GRHL2: variants seen among roughly 807,000 people sequenced by gnomAD.
GRHL2 encodes grainyhead-like protein 2 homolog.
A neutral mutation model predicts 83.8 loss-of-function variants in GRHL2; 21 were observed. The observed-to-expected ratio is 0.25, with a 90% CI of 0.18 to 0.36. The LOEUF is 0.36. GRHL2 is among the 10% of genes least tolerant of loss of function. GRHL2 has a pLI of 1.00. For missense variants in GRHL2, 623 were observed against 781.8 expected (o/e 0.80, Z 2.42); for synonymous variants, 280 against 278.9 (o/e 1.00, Z -0.04).
At chr8:101,569,882 G>A (rs1037883058) in intron 4 of GRHL2, among the ~76,000 whole-genome samples, 1 of 152,196 alleles carries the variant, frequency 6.6e-6, no homozygotes, top group African/African-American at 2.4e-5. Context: ...ACAGGTAAAA[G>A]AGCTAGAACT....
chr8:101,606,641 C>G (rs1812639516), intron 8 of GRHL2, among the ~76,000 whole-genome samples: 1 of 152,170 alleles, frequency 6.6e-6, no homozygotes, highest in Non-Finnish European at 1.5e-5. Context: ...TTTGATGTGG[C>G]CTGGGTCATG....
At chr8:101,670,866 G>C (rs938404419), downstream of GRHL2, among the ~76,000 whole-genome samples, 3 of 152,226 alleles carry the variant, frequency 2.0e-5, no homozygotes, top group African/African-American at 7.2e-5. Context: ...CTGATGTTTT[G>C]CCGTGTGCTG....
At position 101,557,467 on chromosome 8, in the gene GRHL2, G is replaced by A. The variant is rs537330351; in HGVS notation, c.285-952G>A. Among the ~76,000 whole-genome samples, 5 of 152,042 alleles carry A rather than the reference G, an allele frequency of 3.3e-5. No individual in the cohort carries two copies. The South Asian group carries it at 1.0e-3, about 32-fold the overall frequency. ...TGGAACTCCTGACCACAGGTGATTC[G>A]CCTGCCTTGGGCTCCCAAAGTTCTG... On this transcript the variant is annotated intron_variant, in intron 3 of 15. Coordinates refer to ENST00000646743, the MANE Select transcript of GRHL2 (RefSeq NM_024915.4).
chr8:101,500,797 C>T (rs191731234), intron 1 of GRHL2, among the ~76,000 whole-genome samples: 1 of 152,080 alleles, frequency 6.6e-6, no homozygotes, highest in Non-Finnish European at 1.5e-5. Context: ...AGGCATGAAC[C>T]ACCACGCCCG....
chr8:101,668,351 T>A lies in GRHL2; in HGVS notation c.*1648T>A, dbSNP rs1268241423. 1 of 152,686 alleles carries A rather than the reference T, an allele frequency of 6.5e-6. No individual in the cohort carries two copies. Among genetic ancestry groups the A allele is most frequent in the Non-Finnish European group, 1.5e-5 (1 of 68,082 alleles). The allele number at this position is 152,686 out of a possible 1,614,324, so 9.5% of individuals were successfully genotyped here. On this transcript the variant is annotated 3_prime_UTR_variant, in exon 16 of 16. Coordinates refer to ENST00000646743, the MANE Select transcript of GRHL2 (RefSeq NM_024915.4). ...ACCTGGAGGCCCGCTCTCTAAGGGC[T>A]TCCTGCGCTCCCACCTCATCTGTCC...
chr8:101,665,849 TC>T (rs1334590843), intron 15 of GRHL2, among the ~76,000 whole-genome samples: 4 of 152,198 alleles, frequency 2.6e-5, no homozygotes, highest in African/African-American at 7.2e-5. Context: ...CTGTCTGACT[TC>T]AAATCATGAA....
In GRHL2 at chr8:101,666,958, C is replaced by T. The variant is rs541363795; in HGVS notation, c.*255C>T. The T allele has an allele frequency of 3.5e-6, 2 of 568,762 alleles. No individual in the cohort carries two copies. The highest frequency in any genetic ancestry group is 6.0e-5 in the Admixed American group (2 of 33,210). The allele number at this position is 568,762 out of a possible 1,614,324, so 35.2% of individuals were successfully genotyped here. On this transcript the variant is annotated 3_prime_UTR_variant, in exon 16 of 16. Transcript: ENST00000646743. ...GGCCTGTTGGATTCCTATTTATTGC[C>T]CACCTTTTCCTGGAGCCCAGGTCCA...
chr8:101,495,619 C>T (rs1810084103), intron 1 of GRHL2, among the ~76,000 whole-genome samples: 1 of 152,092 alleles, frequency 6.6e-6, no homozygotes, highest in Admixed American at 6.6e-5. Context: ...CGTGTAGGTA[C>T]TATGTGATTT....
intron 2 of GRHL2, chr8:101,544,157 A>G (rs1811213668): frequency 6.6e-6 from 1 of 152,222 alleles, no homozygotes; most frequent in Non-Finnish European, 1.5e-5. Context: ...TGGCTGTACC[A>G]TAATTTAGTT....
intron 15 of GRHL2, among the ~76,000 whole-genome samples, chr8:101,665,019 G>T (rs1228774594): frequency 6.6e-6 from 1 of 152,138 alleles, no homozygotes; most frequent in African/African-American, 2.4e-5. Flanking sequence ...GTGTTCAGTA[G>T]GTTTGGGGTC....
At position 101,505,076 on chromosome 8, in the gene GRHL2, C is replaced by T. The variant is rs564631896; in HGVS notation, c.20+12287C>T. 1.8e-3 allele frequency among the ~76,000 whole-genome samples: 276 copies of T among 151,878 alleles called. 1 individual carries two copies. The highest frequency in any genetic ancestry group is 3.0e-3 in the Non-Finnish European group (204 of 67,966). Reference sequence around the variant, plus strand: ...GCAAAACCAAAGCAATCTTCGGCTGCGGAATAAACACAGAGGTGGTGAAAC... The same window carrying T: ...GCAAAACCAAAGCAATCTTCGGCTGTGGAATAAACACAGAGGTGGTGAAAC... On this transcript the variant is annotated intron_variant, in intron 1 of 15. Coordinates refer to ENST00000646743, the MANE Select transcript of GRHL2 (RefSeq NM_024915.4).
chr8:101,568,626 C>G (rs1376552903), intron 4 of GRHL2, among the ~76,000 whole-genome samples: 2 of 151,756 alleles, frequency 1.3e-5, no homozygotes, highest in Non-Finnish European at 2.9e-5. Context: ...TCCCCTCAAC[C>G]AATTTTTATC....
intron 7 of GRHL2, among the ~76,000 whole-genome samples, chr8:101,589,361 T>TCTGGAG: frequency 6.6e-6 from 1 of 152,332 alleles, no homozygotes; most frequent in South Asian, 2.1e-4. Flanking sequence ...AGTTACTAAA[T>TCTGGAG]CTGGAGCTAT....
At chr8:101,528,741 A>G in intron 1 of GRHL2, 1 of 268,626 alleles carries the variant, frequency 3.7e-6, no homozygotes, top group South Asian at 4.4e-5. Flanking sequence ...TTCCAGCTGA[A>G]CCAGTGATAA....
chr8:101,666,975 C>A lies in GRHL2; in HGVS notation c.*272C>A. The A allele has an allele frequency of 1.8e-6, 1 of 547,716 alleles. No individual in the cohort carries two copies. The highest frequency in any genetic ancestry group is 2.0e-5 in the South Asian group (1 of 49,704). The allele number at this position is 547,716 out of a possible 1,614,324, so 33.9% of individuals were successfully genotyped here. On this transcript the variant is annotated 3_prime_UTR_variant, in exon 16 of 16. Transcript: ENST00000646743. ...TTTATTGCCCACCTTTTCCTGGAGCCCAGGTCCAGGCCCGCCAGGACTCTG... is the reference window on the plus strand; with the variant it reads ...TTTATTGCCCACCTTTTCCTGGAGCACAGGTCCAGGCCCGCCAGGACTCTG...
chr8:101,559,339 C>T (rs1465234822), intron 4 of GRHL2, among the ~76,000 whole-genome samples: 3 of 112,096 alleles, frequency 2.7e-5, no homozygotes. Flanking sequence ...GAACTCCTGT[C>T]TCTACTAAAA....
intron 3 of GRHL2, among the ~76,000 whole-genome samples, chr8:101,556,355 G>A (rs939599043): frequency 1.7e-4 from 26 of 152,102 alleles, no homozygotes; most frequent in Admixed American, 1.1e-3. Flanking sequence ...AACAAACAAC[G>A]CAGGCATCAG....
chr8:101,632,015 G>A (rs778309054), intron 10 of GRHL2, among the ~76,000 whole-genome samples: 2 of 152,160 alleles, frequency 1.3e-5, no homozygotes, highest in Non-Finnish European at 2.9e-5. Flanking sequence ...AGGGTGTGAG[G>A]GGCCTCGAGC....
intron 1 of GRHL2, among the ~76,000 whole-genome samples, chr8:101,535,147 A>G (rs909825877): frequency 2.6e-5 from 4 of 152,150 alleles, no homozygotes; most frequent in African/African-American, 9.7e-5. Flanking sequence ...CACATTCTGG[A>G]TGTATTTTGT....
Sources: allele counts gnomAD v4.1 joint callset (sites outside exome capture counted in the v4.1 genomes callset), GRCh38; gene constraint gnomAD v4.1.1; transcripts MANE v1.5; gene names NCBI Gene and HGNC (gene_info 2026-07-23, HGNC 2026-07-21).